Variants in COL25A1 observed in about 807,000 individuals in gnomAD.
The protein encoded by COL25A1 is collagen alpha-1(XXV) chain.
A neutral mutation model predicts 128.4 loss-of-function variants in COL25A1; 103 were observed. That is an observed-to-expected ratio of 0.80 (90% CI 0.68 to 0.94). The LOEUF is 0.94. Ranked by LOEUF, COL25A1 falls within the 40% of genes least tolerant of loss-of-function variation. The pLI is 0.00. For missense variants in COL25A1, 745 were observed against 840.0 expected (o/e 0.89, Z 1.40); for synonymous variants, 279 against 277.2 (o/e 1.01, Z -0.06).
In COL25A1 at chr4:109,204,905, C is replaced by A. The variant is rs115312991; in HGVS notation, c.367+95678G>T. Among the ~76,000 whole-genome samples the A allele has an allele frequency of 5.9e-3, 893 of 152,230 alleles. 8 individuals carry two copies. Among genetic ancestry groups the A allele is most frequent in the African/African-American group, 0.02 (832 of 41,536 alleles). On this transcript the variant is annotated intron_variant, in intron 3 of 37. Transcript: ENST00000399132. Reference sequence around the variant, plus strand: ...CAGCTAAACGGCAGTTCTGATTCTACCATGGCTGATAAATTTGATTTTGTA... The same window carrying A: ...CAGCTAAACGGCAGTTCTGATTCTAACATGGCTGATAAATTTGATTTTGTA...
chr4:108,938,752 A>G (rs1323752105), intron 10 of COL25A1, among the ~76,000 whole-genome samples: 1 of 152,144 alleles, frequency 6.6e-6, no homozygotes, highest in South Asian at 2.1e-4. Context: ...AGCTACTCAG[A>G]AGGCTGAGAC....
At chr4:108,894,614 T>C (rs1222474819) in intron 16 of COL25A1, among the ~76,000 whole-genome samples, 2 of 152,196 alleles carry the variant, frequency 1.3e-5, no homozygotes, top group Admixed American at 6.5e-5. Context: ...GTTGCTTTCA[T>C]GCCATAACAA....
chr4:109,214,540 T>C (rs1777834790), intron 3 of COL25A1, among the ~76,000 whole-genome samples: 1 of 152,094 alleles, frequency 6.6e-6, no homozygotes, highest in South Asian at 2.1e-4. Context: ...TTTAAAATTA[T>C]TTAAATATAC....
chr4:109,268,384 C>T (rs752800358), intron 3 of COL25A1, among the ~76,000 whole-genome samples: 6 of 152,036 alleles, frequency 3.9e-5, no homozygotes, highest in Admixed American at 6.6e-5. Context: ...ACGACCACTG[C>T]CCAAGTTTAT....
chr4:109,251,242 G>A (rs1780626457), intron 3 of COL25A1, among the ~76,000 whole-genome samples: 1 of 152,094 alleles, frequency 6.6e-6, no homozygotes, highest in Non-Finnish European at 1.5e-5. Context: ...CTGGTCATGT[G>A]GTCATAGATG....
chr4:108,957,139 GCCCA>G lies in COL25A1; in HGVS notation c.493-15706_493-15703del, dbSNP rs1369361459. Among the ~76,000 whole-genome samples, 48 of 152,176 alleles carry G rather than the reference GCCCA, an allele frequency of 3.2e-4. No homozygotes were observed. In the South Asian group the frequency reaches 1.0e-2, roughly 32 times the overall value. The stretch of plus-strand genomic sequence containing the variant: ...TTTTATCCCAAACACATTTATCCAG[GCCCA>G]CCTGGATAAATGTGTTTGCTTTCTA... On this transcript the variant is annotated intron_variant, in intron 8 of 37. Coordinates refer to ENST00000399132, the MANE Select transcript of COL25A1 (RefSeq NM_198721.4).
At chr4:109,232,681 T>C (rs1180834051) in intron 3 of COL25A1, among the ~76,000 whole-genome samples, 2 of 152,212 alleles carry the variant, frequency 1.3e-5, no homozygotes, top group Non-Finnish European at 2.9e-5. Flanking sequence ...GTAACCTCTG[T>C]GACAAATCAT....
chr4:108,866,102 A>G (rs1008086323), intron 20 of COL25A1, among the ~76,000 whole-genome samples: 16 of 152,218 alleles, frequency 1.1e-4, no homozygotes, highest in African/African-American at 3.9e-4. Flanking sequence ...TTAAATGCAG[A>G]AAAATATTTG....
intron 3 of COL25A1, among the ~76,000 whole-genome samples, chr4:109,057,955 A>T (rs1761602738): frequency 6.6e-6 from 1 of 152,186 alleles, no homozygotes; most frequent in Non-Finnish European, 1.5e-5. Flanking sequence ...GCACTTGAAC[A>T]ATAAAAGAAA....
chr4:108,963,548 T>C (rs1291684562), intron 8 of COL25A1, among the ~76,000 whole-genome samples: 2 of 152,130 alleles, frequency 1.3e-5, no homozygotes, highest in Admixed American at 1.3e-4. Flanking sequence ...GCTTCCATTG[T>C]AGGCGTTAGT....
intron 5 of COL25A1, among the ~76,000 whole-genome samples, chr4:109,013,815 C>G (rs1219694444): frequency 6.6e-6 from 1 of 152,128 alleles, no homozygotes; most frequent in Admixed American, 6.5e-5. Flanking sequence ...CCGGACACAC[C>G]ATCTTTAAGA....
chr4:109,244,574 T>C (rs190124787), intron 3 of COL25A1, among the ~76,000 whole-genome samples: 1 of 152,144 alleles, frequency 6.6e-6, no homozygotes, highest in African/African-American at 2.4e-5. Context: ...GCCTAGTTAT[T>C]TTCTGCTATG....
chr4:109,011,772 C>T (rs1380221588), intron 5 of COL25A1, among the ~76,000 whole-genome samples: 1 of 152,242 alleles, frequency 6.6e-6, no homozygotes, highest in African/African-American at 2.4e-5. Flanking sequence ...TACATACAGA[C>T]TTGTTCAGAT....
intron 37 of COL25A1, among the ~76,000 whole-genome samples, chr4:108,815,255 C>T (rs1371392627): frequency 6.6e-6 from 1 of 152,162 alleles, no homozygotes; most frequent in East Asian, 1.9e-4. Flanking sequence ...AATTTTAAGT[C>T]AAGCAAACAT....
intron 22 of COL25A1, 58 bp from the exon 23 acceptor site, chr4:108,861,029 G>A (rs947713849): frequency 1.1e-4 from 157 of 1,454,746 alleles, no homozygotes; most frequent in Middle Eastern, 5.2e-4. Context: ...TAGAAATCTC[G>A]TGTAAGAACA....
intron 3 of COL25A1, among the ~76,000 whole-genome samples, chr4:109,250,007 CT>C (rs1489243999): frequency 6.6e-6 from 1 of 152,102 alleles, no homozygotes; most frequent in South Asian, 2.1e-4. Flanking sequence ...TCAAAACCCA[CT>C]TTTTTTGTAG....
At chr4:109,026,100 GCA>G (rs56718544) in intron 5 of COL25A1, among the ~76,000 whole-genome samples, 5,079 of 136,628 alleles carry the variant, frequency 0.037, 96 homozygotes, top group South Asian at 0.044. Context: ...AAAACACTTT[GCA>G]CACACACACA....
chr4:109,053,241 A>T (rs1478122877), intron 3 of COL25A1, among the ~76,000 whole-genome samples: 1 of 152,216 alleles, frequency 6.6e-6, no homozygotes, highest in Admixed American at 6.5e-5. Context: ...ACTTTCAAAA[A>T]TAGATGCAAG....
At chr4:108,855,823 C>T (rs914420712) in intron 24 of COL25A1, among the ~76,000 whole-genome samples, 1 of 152,144 alleles carries the variant, frequency 6.6e-6, no homozygotes, top group Non-Finnish European at 1.5e-5. Context: ...GTCTTGACCA[C>T]CAACTGGAAG....
Sources: allele counts gnomAD v4.1 joint callset (sites outside exome capture counted in the v4.1 genomes callset), GRCh38; gene constraint gnomAD v4.1.1; transcripts MANE v1.5; gene names NCBI Gene and HGNC (gene_info 2026-07-23, HGNC 2026-07-21).